The following NUDT3 variants were observed in gnomAD, a reference collection of about 807,000 sequenced individuals.
The protein encoded by NUDT3 is nudix hydrolase 3, also known as diphosphoinositol polyphosphate phosphohydrolase 1.
Under a neutral mutation model 23.6 loss-of-function variants are expected in NUDT3, and 9 were observed. The observed-to-expected ratio is 0.38, with a 90% CI of 0.23 to 0.66. The LOEUF (loss-of-function observed/expected upper bound fraction) is 0.66, where lower values mean the gene tolerates loss of function less well. NUDT3 is among the 30% of genes least tolerant of loss of function. The pLI is 0.52. For synonymous variants in NUDT3, 86 were observed against 82.6 expected (o/e 1.04, Z -0.22); for missense variants, 172 against 218.5 (o/e 0.79, Z 1.34).
chr6:34,289,247 C>G (rs376419062), intron 4 of NUDT3, among the ~76,000 whole-genome samples: 2 of 152,126 alleles, frequency 1.3e-5, no homozygotes, highest in Non-Finnish European at 1.5e-5. Flanking sequence ...GGATCAAAGC[C>G]CAGCAGCATC....
intron 4 of NUDT3, among the ~76,000 whole-genome samples, chr6:34,293,145 C>T (rs1177417916): frequency 6.6e-6 from 1 of 152,138 alleles, no homozygotes; most frequent in African/African-American, 2.4e-5. Flanking sequence ...TCAATGTGAC[C>T]TCAAACTCCC....
intron 2 of NUDT3, among the ~76,000 whole-genome samples, chr6:34,328,916 C>T (rs1764083713): frequency 1.3e-5 from 2 of 152,158 alleles, no homozygotes; most frequent in Admixed American, 1.3e-4. Context: ...CTATGATAGC[C>T]TACACTCCAC....
Position 34,380,416 on chromosome 6 carries a change from G to A in NUDT3, c.99+11848C>T, listed in dbSNP as rs193097853. Among the ~76,000 whole-genome samples the A allele has an allele frequency of 1.2e-3, 183 of 151,960 alleles. 1 individual carries two copies. In the East Asian group the frequency reaches 0.013, roughly 11 times the overall value. ...CACCCAGGTTGGAGTACAGTGGCAC[G>A]ACCATGGCTCACTGCAGCCTCAAAC... On this transcript the variant is annotated intron_variant, in intron 1 of 4. Transcript: ENST00000607016.
chr6:34,302,406 T>C (rs1174161152), intron 2 of NUDT3, among the ~76,000 whole-genome samples: 1 of 152,214 alleles, frequency 6.6e-6, no homozygotes, highest in Non-Finnish European at 1.5e-5. Flanking sequence ...ATTTTACTTA[T>C]CTTTACCTTT....
At chr6:34,329,956 A>G (rs1235781075) in intron 2 of NUDT3, among the ~76,000 whole-genome samples, 1 of 152,172 alleles carries the variant, frequency 6.6e-6, no homozygotes, top group Non-Finnish European at 1.5e-5. Context: ...AGCTTCATCC[A>G]TGTCCCTACA....
intron 3 of NUDT3, 93 bp downstream of exon 3, chr6:34,295,548 A>T (rs1342879260): frequency 4.8e-6 from 7 of 1,461,386 alleles, no homozygotes; most frequent in Non-Finnish European, 6.5e-6. Flanking sequence ...AAAAAAAAAA[A>T]ACTCGCTGAA....
chr6:34,279,769 A>C lies in NUDT3; in HGVS notation c.*8984T>G, dbSNP rs1196137698. The C allele has an allele frequency of 6.6e-6, 1 of 152,278 alleles. No individual in the cohort carries two copies. The highest frequency in any genetic ancestry group is 2.4e-5 in the African/African-American group (1 of 41,468). The allele number at this position is 152,278 out of a possible 1,614,324, so 9.4% of individuals were successfully genotyped here. On this transcript the variant is annotated 3_prime_UTR_variant, in exon 5 of 5. Coordinates refer to ENST00000607016, the MANE Select transcript of NUDT3 (RefSeq NM_006703.4). ...CCTCCCACACAGCTCAAATGGAAGG[A>C]AACTGATTAACACATAGAAAGGAAC...
chr6:34,370,536 G>C lies in NUDT3; in HGVS notation c.99+21728C>G, dbSNP rs1342872038. Among the ~76,000 whole-genome samples the C allele has an allele frequency of 3.3e-5, 5 of 152,304 alleles. No homozygotes were observed. The East Asian group carries it at 9.6e-4, about 29-fold the overall frequency. ...GGGAAATGAGTATTTAGCGAAAAGA[G>C]GGTTCAGGATGTGGGGTCAGCCAAA... On this transcript the variant is annotated intron_variant, in intron 1 of 4. Transcript: ENST00000607016.
At chr6:34,311,249 G>A (rs913368586) in intron 2 of NUDT3, among the ~76,000 whole-genome samples, 3 of 152,102 alleles carry the variant, frequency 2.0e-5, no homozygotes, top group Non-Finnish European at 2.9e-5. Context: ...CAAGATACAA[G>A]GGTAATGTAC....
chr6:34,297,751 A>T (rs1763531872), intron 2 of NUDT3, among the ~76,000 whole-genome samples: 9 of 99,740 alleles, frequency 9.0e-5, no homozygotes, highest in African/African-American at 2.4e-4. Flanking sequence ...ATATATATAT[A>T]TATATATAAT....
In NUDT3 at chr6:34,331,283, ACTTT is replaced by A. The variant is rs756181294; in HGVS notation, c.210+10575_210+10578del. Among the ~76,000 whole-genome samples, 393 of 144,746 alleles carry A rather than the reference ACTTT, an allele frequency of 2.7e-3. 1 individual carries two copies. Among genetic ancestry groups the A allele is most frequent in the South Asian group, 9.7e-3 (45 of 4,636 alleles). 95.0% of individuals were successfully genotyped at this position (144,746 alleles called of 152,430 possible). A position where few individuals can be genotyped will look rare whatever the true frequency, so the allele number is the denominator to read the frequency against. On this transcript the variant is annotated intron_variant, in intron 2 of 4. Coordinates refer to ENST00000607016, the MANE Select transcript of NUDT3 (RefSeq NM_006703.4). ...TACATTAAGGTATTTAGACTTTCAAACTTTCTTTTTTTTTTTTTTTTCCAAACTT... is the reference window on the plus strand; with the variant it reads ...TACATTAAGGTATTTAGACTTTCAAACTTTTTTTTTTTTTTTTCCAAACTT...
At chr6:34,366,365 G>A in intron 1 of NUDT3, among the ~76,000 whole-genome samples, 1 of 150,530 alleles carries the variant, frequency 6.6e-6, no homozygotes, top group African/African-American at 2.5e-5. Context: ...GACTGAGCAA[G>A]ACCTTGTCGA....
Position 34,341,842 on chromosome 6 carries a change from C to G in NUDT3, c.210+20G>C. The G allele has an allele frequency of 1.2e-6, 2 of 1,608,878 alleles. No homozygotes were observed. The highest frequency in any genetic ancestry group is 1.1e-5 in the South Asian group (1 of 90,648). On this transcript the variant is annotated intron_variant, in intron 2 of 4. Coordinates refer to ENST00000607016, the MANE Select transcript of NUDT3 (RefSeq NM_006703.4). Reference sequence around the variant, plus strand: ...TCATGATGACGAGGCACAGCTGTGCCCTCTCTTCTCCATGCATACCTCCTC... The same window carrying G: ...TCATGATGACGAGGCACAGCTGTGCGCTCTCTTCTCCATGCATACCTCCTC...
intron 2 of NUDT3, among the ~76,000 whole-genome samples, chr6:34,318,259 C>T (rs955251207): frequency 2.6e-5 from 4 of 152,142 alleles, no homozygotes; most frequent in Non-Finnish European, 5.9e-5. Flanking sequence ...TGCTCGATTG[C>T]TTCACATTTC....
intron 2 of NUDT3, 140 bp from the exon 3 acceptor site, chr6:34,295,825 T>A (rs1763490975): frequency 1.1e-6 from 1 of 943,638 alleles, no homozygotes; most frequent in African/African-American, 1.7e-5. Flanking sequence ...TGTGAAGTGA[T>A]ACCAGTGTTT....
At chr6:34,307,514 T>C (rs949635183) in intron 2 of NUDT3, among the ~76,000 whole-genome samples, 1 of 152,102 alleles carries the variant, frequency 6.6e-6, no homozygotes, top group African/African-American at 2.4e-5. Context: ...AGGTTGAGCC[T>C]GCAGTGAGCT....
intron 2 of NUDT3, among the ~76,000 whole-genome samples, chr6:34,297,969 A>G (rs1389173061): frequency 6.6e-6 from 1 of 151,542 alleles, no homozygotes; most frequent in Non-Finnish European, 1.5e-5. Flanking sequence ...AGCAGCTACT[A>G]TCCAATATTT....
chr6:34,282,313 G>A lies in NUDT3; in HGVS notation c.*6440C>T, dbSNP rs1763288506. On this transcript the variant is annotated 3_prime_UTR_variant, in exon 5 of 5. Coordinates refer to ENST00000607016, the MANE Select transcript of NUDT3 (RefSeq NM_006703.4). ...CAGCACCAAAGTGCTCAGAAAGACA[G>A]GCTCAGATCAGGACGACTTCTTAAA... 1 of 152,178 alleles carries A rather than the reference G, an allele frequency of 6.6e-6. No homozygotes were observed. Among genetic ancestry groups the A allele is most frequent in the Non-Finnish European group, 1.5e-5 (1 of 68,038 alleles). The allele number at this position is 152,178 out of a possible 1,614,324, so 9.4% of individuals were successfully genotyped here.
chr6:34,292,433 A>G (rs1763436578), intron 4 of NUDT3, among the ~76,000 whole-genome samples: 1 of 152,172 alleles, frequency 6.6e-6, no homozygotes, highest in Non-Finnish European at 1.5e-5. Flanking sequence ...TCAAACCATG[A>G]ACCAACCTTT....
Sources: gnomAD v4.1 joint callset for allele counts (sites outside exome capture counted in the v4.1 genomes callset) on GRCh38, gnomAD v4.1.1 for gene constraint, MANE v1.5 for transcripts, NCBI Gene and HGNC (gene_info 2026-07-23, HGNC 2026-07-21) for gene names.